The following CD163 variants were observed in gnomAD, a reference collection of about 807,000 sequenced individuals.
CD163 encodes scavenger receptor cysteine-rich type 1 protein M130.
CD163 carries 64 observed loss-of-function variants against 129.2 expected under a neutral mutation model. That is an observed-to-expected ratio of 0.50 (90% CI 0.41 to 0.61). CD163 has a LOEUF of 0.61. Among genes scored for constraint, CD163 ranks in the 20% least tolerant of loss-of-function variants. CD163 has a pLI of 0.00. For synonymous variants in CD163, 446 were observed against 478.5 expected (o/e 0.93, Z 0.89); for missense variants, 1,061 against 1,377.9 (o/e 0.77, Z 3.64).
chr12:7,487,248 T>G lies in CD163; in HGVS notation c.2050+111A>C, dbSNP rs1475274697. ...TAATATTCTGAAGCATGAATTAGTA[T>G]TCATTCTTCTCATGACCCTTCAAAA... On this transcript the variant is annotated intron_variant, in intron 8 of 16. Coordinates refer to ENST00000432237, the MANE Select transcript of CD163 (RefSeq NM_203416.4). The surrounding 1 kb of genome is among the most constrained non-coding windows in gnomAD (Gnocchi z 5.1). The G allele has an allele frequency of 5.0e-6, 6 of 1,200,880 alleles. No homozygotes were observed. The highest frequency in any genetic ancestry group is 2.6e-4 in the Middle Eastern group (1 of 3,838). 74.4% of individuals were successfully genotyped at this position (1,200,880 alleles called of 1,614,324 possible). A position where few individuals can be genotyped will look rare whatever the true frequency, so the allele number is the denominator to read the frequency against.
Position 7,487,824 on chromosome 12 carries a change from G to A in CD163, c.1684C>T (p.Arg562Cys), listed in dbSNP as rs61729511. 181 of 1,613,964 alleles carry A rather than the reference G, an allele frequency of 1.1e-4. No individual in the cohort carries two copies. The highest frequency in any genetic ancestry group is 6.7e-5 in the Admixed American group (4 of 59,992). ...SHLSLCPVAP[R>C]PEGTCSHSRD... ...CTGTGGCTACAAGTTCCTTCTGGGC[G>A]GGGTGCTACTGGGCAGAGTGAAAGA... Residue 562 changes from arginine (R) to cysteine (C), a missense_variant, in exon 7 of 17, where the codon CGC becomes TGC. Physicochemically the swap from Arg to Cys is radical, Grantham distance 180 (BLOSUM62 -3). Coordinates refer to ENST00000432237, the MANE Select transcript of CD163 (RefSeq NM_203416.4). The surrounding 1 kb of genome is among the most constrained non-coding windows in gnomAD (Gnocchi z 5.1).
At chr12:7,480,686 T>C (rs1182876802) in intron 15 of CD163, 2 of 186,556 alleles carry the variant, frequency 1.1e-5, no homozygotes, top group Non-Finnish European at 2.0e-5. Flanking sequence ...TAGCTGCTCT[T>C]GCCACAAGAA....
rs1949266123 is a variant in CD163, at chr12:7,487,369, T to A, written c.2040A>T (p.Val680=). 5 of 1,587,096 alleles carry A rather than the reference T, an allele frequency of 3.2e-6. No homozygotes were observed. Among genetic ancestry groups the A allele is most frequent in the Non-Finnish European group, 4.3e-6 (5 of 1,166,734 alleles). Reference sequence around the variant, plus strand: ...CCGTCATCCTCTTACCTGAGCAGATTACAGAGGCCACTTGCTCTGAAGGAC... The same window carrying A: ...CCGTCATCCTCTTACCTGAGCAGATAACAGAGGCCACTTGCTCTGAAGGAC... ...SLCPSEQVAS[V]ICSGNQSQTL... The change falls in exon 8 of 17, where the codon GTA becomes GTT. Residue 680 remains valine, a synonymous_variant. Coordinates refer to ENST00000432237, the MANE Select transcript of CD163 (RefSeq NM_203416.4). The surrounding 1 kb of genome is among the most constrained non-coding windows in gnomAD (Gnocchi z 5.1).
intron 3 of CD163, among the ~76,000 whole-genome samples, chr12:7,500,853 G>C (rs948644725): frequency 1.3e-5 from 2 of 152,100 alleles, no homozygotes; most frequent in African/African-American, 4.8e-5. Context: ...GTAGGTTACA[G>C]TAAGCTTACT....
chr12:7,474,554 A>C (rs1319291507), intron 16 of CD163, among the ~76,000 whole-genome samples: 1 of 152,208 alleles, frequency 6.6e-6, no homozygotes, highest in African/African-American at 2.4e-5. Flanking sequence ...ACATACAAAA[A>C]TCTCTGGGAC....
At chr12:7,497,264 T>G in intron 4 of CD163, 131 bp from the exon 5 acceptor site, 1 of 708,834 alleles carries the variant, frequency 1.4e-6, no homozygotes, top group Non-Finnish European at 2.4e-6. Context: ...TGATGTACTG[T>G]ACTACCACTG....
Position 7,490,712 on chromosome 12 carries a change from A to G in CD163, c.1421-2625T>C, listed in dbSNP as rs77963716. The stretch of plus-strand genomic sequence containing the variant: ...ACCTGATACAAAAATGTCTTAGAAA[A>G]TGTTTCGAATATGACCATGTTCTGT... On this transcript the variant is annotated intron_variant, in intron 6 of 16. Transcript: ENST00000432237. 5.2e-3 allele frequency among the ~76,000 whole-genome samples: 788 copies of G among 152,120 alleles called. 19 individuals carry two copies. The East Asian group carries it at 0.059, about 11-fold the overall frequency.
At chr12:7,481,281 G>A in intron 14 of CD163, 25 bp from the exon 15 acceptor site, 1 of 1,566,808 alleles carries the variant, frequency 6.4e-7, no homozygotes, top group Non-Finnish European at 8.8e-7. Context: ...CCCTAGGTTA[G>A]GGATCAGCTA....
chr12:7,502,818 T>G, intron 1 of CD163: 2 of 559,768 alleles, frequency 3.6e-6, no homozygotes, highest in Non-Finnish European at 3.1e-6. Flanking sequence ...GAAACGAGAA[T>G]TGCAAGGTCA....
At position 7,498,881 on chromosome 12, in the gene CD163, T is replaced by C. The variant is rs754504472; in HGVS notation, c.765A>G (p.Gly255=). The change falls in exon 4 of 17, where the codon GGA becomes GGG. Residue 255 remains glycine (G), a synonymous_variant. Transcript: ENST00000432237. ...KHNCDHAEDA[G]VICSKGADLS... ...ATCAGTCCTTACTTGAGCAAATCAC[T>C]CCAGCATCCTCAGCATGATCACAGT... is the stretch of plus-strand genomic sequence containing the variant. The C allele has an allele frequency of 1.2e-6, 2 of 1,613,766 alleles. No homozygotes were observed. The highest frequency in any genetic ancestry group is 8.5e-7 in the Non-Finnish European group (1 of 1,179,792).
At chr12:7,482,915 A>G in intron 13 of CD163, 51 bp downstream of exon 13, 1 of 1,597,784 alleles carries the variant, frequency 6.3e-7, no homozygotes, top group African/African-American at 1.4e-5. Context: ...AACAAGAAAA[A>G]TTCTATGTAT....
chr12:7,500,916 A>C (rs1390933049), intron 3 of CD163, among the ~76,000 whole-genome samples: 2 of 152,164 alleles, frequency 1.3e-5, no homozygotes, highest in Non-Finnish European at 2.9e-5. Context: ...GATCATGTAT[A>C]AAATTGAAGC....
rs1005888889 is a variant in CD163 at position 7,488,096 on chromosome 12, T to C, written c.1421-9A>G. 3.1e-6 allele frequency: 5 copies of C among 1,590,880 alleles called. No homozygotes were observed. In the African/African-American group the frequency reaches 6.7e-5, roughly 21 times the overall value. On this transcript the variant is annotated splice_polypyrimidine_tract_variant and intron_variant, in intron 6 of 16. Transcript: ENST00000432237. ...TCTGGGTTCCCTGTGGGCTGAAAAA[T>C]AAATATTATTTCAGTGAGAGGTAAT...
Position 7,485,054 on chromosome 12 carries a change from G to T in CD163, c.2779+42C>A, listed in dbSNP as rs1361051529. The T allele has an allele frequency of 6.7e-7, 1 of 1,491,084 alleles. No individual in the cohort carries two copies. The highest frequency in any genetic ancestry group is 9.1e-7 in the Non-Finnish European group (1 of 1,100,044). The allele number at this position is 1,491,084 out of a possible 1,614,324, so 92.4% of individuals were successfully genotyped here. ...GTCCATTATCAGAAGATGATAGCGG[G>T]GCTGCAGAATGGAATTTTCATATAG... On this transcript the variant is annotated intron_variant, in intron 11 of 16. Coordinates refer to ENST00000432237, the MANE Select transcript of CD163 (RefSeq NM_203416.4). This position sits in a 1 kb window ranked among gnomAD's most constrained non-coding sequence, Gnocchi z 4.5.
At chr12:7,472,954 C>G (rs151193862) in intron 16 of CD163, among the ~76,000 whole-genome samples, 1 of 152,004 alleles carries the variant, frequency 6.6e-6, no homozygotes, top group Non-Finnish European at 1.5e-5. Context: ...CCAAATCGAT[C>G]AAGTGGAAGA....
At chr12:7,486,009 C>A (rs1949243181) in intron 10 of CD163, among the ~76,000 whole-genome samples, 1 of 152,100 alleles carries the variant, frequency 6.6e-6, no homozygotes, top group East Asian at 1.9e-4. Context: ...ACCATGTATA[C>A]AAAGCAGTAT....
chr12:7,484,655 A>AAC (rs1949223616), intron 11 of CD163, among the ~76,000 whole-genome samples: 2 of 151,786 alleles, frequency 1.3e-5, no homozygotes, highest in South Asian at 2.1e-4. Context: ...AAAAAAAAAA[A>AAC]AAAACCTGTA....
intron 16 of CD163, among the ~76,000 whole-genome samples, chr12:7,479,450 C>A (rs184348079): frequency 1.3e-5 from 2 of 152,144 alleles, no homozygotes; most frequent in Admixed American, 1.3e-4. Context: ...CCTTAAATAT[C>A]ATATCATCTT....
At position 7,485,378 on chromosome 12, in the gene CD163, C is replaced by G; in HGVS notation, c.2497G>C (p.Glu833Gln). 6.2e-7 allele frequency: 1 copy of G among 1,614,184 alleles called. No homozygotes were observed. Among genetic ancestry groups the G allele is most frequent in the East Asian group, 2.2e-5 (1 of 44,884 alleles). The part of the protein sequence containing the change: ...SLRLTSEASR[E>Q]ACAGRLEVFY... ...ACTTCCAGACGCCCTGCACAGGCCT[C>G]TCTGCTGGCTTCACTGGTCAGTCTC... Residue 833 changes from glutamate (E) to glutamine (Q), a missense_variant, in exon 11 of 17, where the codon GAG becomes CAG. Physicochemically the swap from Glu to Gln is conservative, Grantham distance 29. Coordinates refer to ENST00000432237, the MANE Select transcript of CD163 (RefSeq NM_203416.4). This position sits in a 1 kb window ranked among gnomAD's most constrained non-coding sequence, Gnocchi z 4.5.
Sources: gnomAD v4.1 joint callset for allele counts (sites outside exome capture counted in the v4.1 genomes callset) on GRCh38, gnomAD v4.1.1 for gene constraint, Gnocchi (gnomAD v3.1) non-coding constraint, MANE v1.5 for transcripts, NCBI Gene and HGNC (gene_info 2026-07-23, HGNC 2026-07-21) for gene names.